Variants in CYP3A4 observed in about 807,000 individuals in gnomAD.
CYP3A4 encodes the protein cytochrome P450 family 3 subfamily A member 4.
Under a neutral mutation model 54.9 loss-of-function variants are expected in CYP3A4, and 41 were observed. That is an observed-to-expected ratio of 0.75 (90% CI 0.58 to 0.97). CYP3A4 has a LOEUF of 0.97. CYP3A4 is among the 50% of genes least tolerant of loss of function. The probability of loss-of-function intolerance (pLI) is 0.00; values close to 1 mark genes in which losing one functional copy is unlikely to be tolerated. For missense variants in CYP3A4, 510 were observed against 597.3 expected (o/e 0.85, Z 1.52); for synonymous variants, 179 against 205.2 (o/e 0.87, Z 1.09).
intron 1 of CYP3A4, among the ~76,000 whole-genome samples, chr7:99,783,250 A>T (rs1815971712): frequency 6.6e-6 from 1 of 152,120 alleles, no homozygotes; most frequent in Non-Finnish European, 1.5e-5. Context: ...GTGGGGAGTG[A>T]CTCTTCTCTC....
chr7:99,761,125 G>T, intron 11 of CYP3A4, 144 bp from the exon 12 acceptor site: 1 of 873,692 alleles, frequency 1.1e-6, no homozygotes, highest in Non-Finnish European at 1.7e-6. Flanking sequence ...ATCCTGCTAT[G>T]CTTATTTTGC....
intron 8 of CYP3A4, chr7:99,766,899 G>T (rs1161998794): frequency 4.8e-6 from 2 of 417,978 alleles, no homozygotes; most frequent in Non-Finnish European, 8.5e-6. Context: ...CATACTAATT[G>T]TTGTGTCTGA....
At position 99,783,606 on chromosome 7, in the gene CYP3A4, CTT is replaced by C. The variant is rs11432957; in HGVS notation, c.71+403_71+404del. On this transcript the variant is annotated intron_variant, in intron 1 of 12. Coordinates refer to ENST00000651514, the MANE Select transcript of CYP3A4 (RefSeq NM_017460.6). ...ACTTAAGCTACTGCTCCTTGAACAT[CTT>C]TTTTTTTTTTTTTTTTTTTTGAGAC... Among the ~76,000 whole-genome samples the C allele has an allele frequency of 1.9e-3, 194 of 103,814 alleles. 1 individual carries two copies. Among genetic ancestry groups the C allele is most frequent in the African/African-American group, 6.3e-3 (179 of 28,502 alleles). 68.1% of individuals were successfully genotyped at this position (103,814 alleles called of 152,430 possible).
At position 99,760,874 on chromosome 7, in the gene CYP3A4, A is replaced by G. The variant is rs766477881; in HGVS notation, c.1361T>C (p.Leu454Pro). 2 of 1,614,142 alleles carry G rather than the reference A, an allele frequency of 1.2e-6. No individual in the cohort carries two copies. The highest frequency in any genetic ancestry group is 1.7e-5 in the Admixed American group (1 of 60,028). Residue 454 changes from leucine (L) to proline (P), a missense_variant, in exon 12 of 13, where the codon CTT (leucine) becomes CCT (proline). By Grantham distance (98) the Leu-to-Pro change is moderately conservative. Coordinates refer to ENST00000651514, the MANE Select transcript of CYP3A4 (RefSeq NM_017460.6). Reference protein sequence around the residue: ...GMRFALMNMKLALIRVLQNFS... With the variant: ...GMRFALMNMKPALIRVLQNFS... Reference sequence around the variant, plus strand: ...GTTCTGAAGGACTCTGATTAGAGCAAGTTTCATGTTCATGAGAGCAAACCT... The same window carrying G: ...GTTCTGAAGGACTCTGATTAGAGCAGGTTTCATGTTCATGAGAGCAAACCT...
intron 7 of CYP3A4, 115 bp downstream of exon 7, chr7:99,768,239 A>G: frequency 8.3e-7 from 1 of 1,209,800 alleles, no homozygotes; most frequent in Non-Finnish European, 1.2e-6. Flanking sequence ...CAAATGTACT[A>G]CAAATCACTG....
rs549828590 is a variant in CYP3A4, at chr7:99,783,886, G to A, written c.71+125C>T. 4 of 1,116,394 alleles carry A rather than the reference G, an allele frequency of 3.6e-6. No individual in the cohort carries two copies. The Admixed American group carries it at 5.3e-5, about 15-fold the overall frequency. 69.2% of individuals were successfully genotyped at this position (1,116,394 alleles called of 1,614,324 possible). A position where few individuals can be genotyped will look rare whatever the true frequency, so the allele number is the denominator to read the frequency against. ...AGCCTCCCAAAGTGCTGGGATTACAGGTGTAAGCCACCACGCCCGGCCTGA... is the reference window on the plus strand; with the variant it reads ...AGCCTCCCAAAGTGCTGGGATTACAAGTGTAAGCCACCACGCCCGGCCTGA... On this transcript the variant is annotated intron_variant, in intron 1 of 12. Coordinates refer to ENST00000651514, the MANE Select transcript of CYP3A4 (RefSeq NM_017460.6).
Position 99,780,023 on chromosome 7 carries a change from G to A in CYP3A4, c.134C>T (p.Pro45Leu), listed in dbSNP as rs897005504. The A allele has an allele frequency of 2.5e-6, 4 of 1,613,458 alleles. No homozygotes were observed. In the African/African-American group the frequency reaches 5.3e-5, roughly 22 times the overall value. Residue 45 changes from proline (P) to leucine (L), a missense_variant, in exon 2 of 13, where the codon CCT becomes CTT. Physicochemically the swap from Pro to Leu is moderately conservative, Grantham distance 98 (BLOSUM62 -3). This residue lies in a region of CYP3A4 where 272 missense variants were observed against 274.9 expected (regional missense o/e 0.99). Coordinates refer to ENST00000651514, the MANE Select transcript of CYP3A4 (RefSeq NM_017460.6). The stretch of plus-strand genomic sequence containing the variant: ...GTAGGACAAAATATTTCCCAAAAAA[G>A]GCAGAGGTGTGGGCCCTGGAATTCC... ...KLGIPGPTPL[P>L]FLGNILSYHK...
At chr7:99,764,131 C>T in intron 9 of CYP3A4, 116 bp from the exon 10 acceptor site, 2 of 1,470,870 alleles carry the variant, frequency 1.4e-6, no homozygotes, top group Non-Finnish European at 9.3e-7. Context: ...AATAGAAAAG[C>T]AATTCAGAGG....
chr7:99,758,327 C>T, intron 12 of CYP3A4, 99 bp from the exon 13 acceptor site: 1 of 1,349,302 alleles, frequency 7.4e-7, no homozygotes, highest in African/African-American at 1.4e-5. Flanking sequence ...GTTGAGGGGA[C>T]ACAACAGAGT....
intron 3 of CYP3A4, among the ~76,000 whole-genome samples, chr7:99,773,402 A>G (rs746587205): frequency 1.3e-5 from 2 of 152,214 alleles, no homozygotes; most frequent in Non-Finnish European, 2.9e-5. Context: ...CATTCTTCTC[A>G]GCACCACATC....
At chr7:99,775,346 A>C (rs941680175) in intron 3 of CYP3A4, among the ~76,000 whole-genome samples, 1 of 152,168 alleles carries the variant, frequency 6.6e-6, no homozygotes, top group African/African-American at 2.4e-5. Flanking sequence ...AACTACTTTA[A>C]AGTTCATATG....
rs748023655 is a variant in CYP3A4 at position 99,780,012 on chromosome 7, T to C, written c.145A>G (p.Asn49Asp). Residue 49 changes from asparagine (N) to aspartate (D), a missense_variant, in exon 2 of 13, where the codon AAT (asparagine) becomes GAT (aspartate). Around this residue, in one of 2 missense-constraint regions of CYP3A4, gnomAD observed 272 missense variants for 274.9 expected, o/e 0.99. Transcript: ENST00000651514. ...PGPTPLPFLG[N>D]ILSYHKGFCM... is the part of the protein sequence containing the mutation. The stretch of plus-strand genomic sequence containing the variant: ...CTCACCTTATGGTAGGACAAAATAT[T>C]TCCCAAAAAAGGCAGAGGTGTGGGC... 3.7e-6 allele frequency: 6 copies of C among 1,613,472 alleles called. No homozygotes were observed. Among genetic ancestry groups the C allele is most frequent in the Non-Finnish European group, 5.1e-6 (6 of 1,179,560 alleles).
At position 99,771,835 on chromosome 7, in the gene CYP3A4, T is replaced by C. The variant is rs1299656590; in HGVS notation, c.318+755A>G. Among the ~76,000 whole-genome samples the C allele has an allele frequency of 2.0e-5, 3 of 152,108 alleles. No homozygotes were observed. In the East Asian group the frequency reaches 5.8e-4, roughly 29 times the overall value. On this transcript the variant is annotated intron_variant, in intron 4 of 12. Coordinates refer to ENST00000651514, the MANE Select transcript of CYP3A4 (RefSeq NM_017460.6). ...AGTATGCCCAGTTGATTTTTAACAA[T>C]ATACCCATCTTTCCAAAAATGGCGT...
intron 1 of CYP3A4, among the ~76,000 whole-genome samples, chr7:99,781,042 A>C (rs1815909209): frequency 6.6e-6 from 1 of 152,154 alleles, no homozygotes; most frequent in South Asian, 2.1e-4. Context: ...AGATGATTGG[A>C]TCCTAGGGGC....
rs558760604 is a variant in CYP3A4 at position 99,769,277 on chromosome 7, A to C, written c.521+491T>G. On this transcript the variant is annotated intron_variant, in intron 6 of 12. Coordinates refer to ENST00000651514, the MANE Select transcript of CYP3A4 (RefSeq NM_017460.6). ...GTGTTTTTACCACCCTCTCTCTTTG[A>C]GACTGGAGGAAAAAGAAATGGTAGG... is the stretch of plus-strand genomic sequence containing the variant. 1.7e-4 allele frequency among the ~76,000 whole-genome samples: 26 copies of C among 152,218 alleles called. No homozygotes were observed. In the South Asian group the frequency reaches 5.4e-3, roughly 32 times the overall value.
chr7:99,782,624 CTA>C (rs1815955479), intron 1 of CYP3A4, among the ~76,000 whole-genome samples: 5 of 152,234 alleles, frequency 3.3e-5, no homozygotes, highest in Non-Finnish European at 7.4e-5. Flanking sequence ...GTGACCTCCA[CTA>C]CGGGGCCAGG....
At chr7:99,762,607 A>G (rs1430811085) in intron 10 of CYP3A4, among the ~76,000 whole-genome samples, 2 of 152,072 alleles carry the variant, frequency 1.3e-5, no homozygotes, top group Non-Finnish European at 2.9e-5. Context: ...TACACACACT[A>G]AAAGGAGGAC....
At chr7:99,758,337 T>A in intron 12 of CYP3A4, 109 bp from the exon 13 acceptor site, 1 of 1,275,986 alleles carries the variant, frequency 7.8e-7, no homozygotes, top group Non-Finnish European at 1.1e-6. Context: ...CACAACAGAG[T>A]GATATTCTGA....
intron 10 of CYP3A4, 66 bp from the exon 11 acceptor site, chr7:99,762,333 A>T (rs1445176577): frequency 6.4e-7 from 1 of 1,559,594 alleles, no homozygotes; most frequent in Admixed American, 1.9e-5. Context: ...CAGTCCATGC[A>T]GTACTAATGA....
Sources: allele counts gnomAD v4.1 joint callset (sites outside exome capture counted in the v4.1 genomes callset), GRCh38; gene constraint gnomAD v4.1.1; regional missense constraint gnomAD v4.1.1; transcripts MANE v1.5; gene names NCBI Gene and HGNC (gene_info 2026-07-23, HGNC 2026-07-21).